The following MYO16 variants were observed in gnomAD, a reference collection of about 807,000 sequenced individuals.
MYO16 encodes the protein unconventional myosin-XVI.
A neutral mutation model predicts 205.3 loss-of-function variants in MYO16; 94 were observed. The observed-to-expected ratio is 0.46, with a 90% CI of 0.39 to 0.54. The LOEUF (loss-of-function observed/expected upper bound fraction) is 0.54. MYO16 is among the 20% of genes least tolerant of loss of function. MYO16 has a pLI of 0.00. For synonymous variants in MYO16, 988 were observed against 954.0 expected, an observed-to-expected ratio of 1.04 and a Z score of -0.66; for missense variants, 2,315 against 2,387.5, an observed-to-expected ratio of 0.97 and a Z score of 0.63.
intron 34 of MYO16, among the ~76,000 whole-genome samples, chr13:109,192,425 T>G (rs762388765): frequency 6.6e-6 from 1 of 152,230 alleles, no homozygotes; most frequent in Non-Finnish European, 1.5e-5. Context: ...TCTCTAGCAT[T>G]TGTACCCACA....
intron 1 of MYO16, among the ~76,000 whole-genome samples, chr13:108,642,835 A>AC (rs893208332): frequency 6.6e-6 from 1 of 151,656 alleles, no homozygotes; most frequent in Non-Finnish European, 1.5e-5. Flanking sequence ...TACTAATCCT[A>AC]CCCCCCCAAA....
chr13:108,766,736 T>C, intron 4 of MYO16, among the ~76,000 whole-genome samples: 1 of 152,376 alleles, frequency 6.6e-6, no homozygotes, highest in East Asian at 1.9e-4. Context: ...TTCAGGGTTT[T>C]TCTTTTAAAG....
chr13:108,543,740 CTTTTTT>C, the MYO16 span, among the ~76,000 whole-genome samples: 4 of 125,144 alleles, frequency 3.2e-5, no homozygotes, highest in Non-Finnish European at 6.5e-5. Context: ...TCCTTTTTTT[CTTTTTT>C]TTTTTTTTTT....
chr13:109,072,758 A>G (rs918925347), intron 27 of MYO16, among the ~76,000 whole-genome samples: 1 of 152,324 alleles, frequency 6.6e-6, no homozygotes, highest in Admixed American at 6.5e-5. Flanking sequence ...AAGACATAGA[A>G]TATTTCAGAT....
intron 34 of MYO16, among the ~76,000 whole-genome samples, chr13:109,189,169 A>G (rs1879810919): frequency 6.6e-6 from 1 of 151,424 alleles, no homozygotes; most frequent in South Asian, 2.1e-4. Flanking sequence ...CAGCAAGTCA[A>G]GTCCTTCCAT....
At chr13:108,652,168 T>C (rs983248558) in intron 1 of MYO16, among the ~76,000 whole-genome samples, 1 of 150,122 alleles carries the variant, frequency 6.7e-6, no homozygotes, top group Non-Finnish European at 1.5e-5. Context: ...CGCGCGCGCA[T>C]GTGTGCGCGT....
intron 2 of MYO16, among the ~76,000 whole-genome samples, chr13:108,684,228 C>T (rs1247666841): frequency 1.3e-5 from 2 of 152,186 alleles, no homozygotes; most frequent in Admixed American, 6.5e-5. Context: ...GGATTCCAAG[C>T]AGGGGCAACC....
chr13:109,125,474 C>T lies in MYO16; in HGVS notation c.3782+116C>T. The T allele has an allele frequency of 2.9e-6, 4 of 1,370,252 alleles. No homozygotes were observed. The highest frequency in any genetic ancestry group is 1.4e-5 in the South Asian group (1 of 71,128). The allele number at this position is 1,370,252 out of a possible 1,614,324, so 84.9% of individuals were successfully genotyped here. On this transcript the variant is annotated intron_variant, in intron 30 of 34. Transcript: ENST00000457511. The surrounding 1 kb of genome is among the most constrained non-coding windows in gnomAD (Gnocchi z 4.0). ...TCAAATATGACAGGAGTTGCAGGAA[C>T]AGGCATGCGTGGTTTGTTATTCGAA...
intron 21 of MYO16, among the ~76,000 whole-genome samples, chr13:108,994,643 A>T (rs1428739600): frequency 6.6e-6 from 1 of 152,168 alleles, no homozygotes; most frequent in Non-Finnish European, 1.5e-5. Flanking sequence ...CTAGAAGAAT[A>T]TTAGTGCTTT....
At chr13:108,856,784 T>G (rs2759272) in intron 11 of MYO16, among the ~76,000 whole-genome samples, 41,665 of 152,016 alleles carry the variant, frequency 0.27, 6,012 homozygotes, top group East Asian at 0.43. Context: ...AGCACCCTCA[T>G]CAAAGCCATT....
intron 9 of MYO16, among the ~76,000 whole-genome samples, chr13:108,831,017 T>G (rs1053167293): frequency 1.3e-5 from 2 of 152,194 alleles, no homozygotes; most frequent in Non-Finnish European, 2.9e-5. Flanking sequence ...CCATTTCTCA[T>G]GAACAGTGCC....
intron 2 of MYO16, among the ~76,000 whole-genome samples, 173 bp downstream of exon 2, chr13:108,666,322 A>G (rs1344938700): frequency 5.3e-5 from 8 of 152,180 alleles, no homozygotes; most frequent in Non-Finnish European, 8.8e-5. Context: ...TTTGCAAAGA[A>G]CATCATTAAA....
At chr13:108,534,787 T>TTTC in the MYO16 span, among the ~76,000 whole-genome samples, 1 of 151,358 alleles carries the variant, frequency 6.6e-6, no homozygotes, top group Non-Finnish European at 1.5e-5. Flanking sequence ...TTCCTCCTTC[T>TTTC]TTCTTCTTCT....
At chr13:108,580,672 T>C in the MYO16 span, among the ~76,000 whole-genome samples, 1 of 152,038 alleles carries the variant, frequency 6.6e-6, no homozygotes, top group African/African-American at 2.4e-5. Flanking sequence ...TACAGGAGAG[T>C]GCACTCTTGG....
At chr13:108,951,793 T>G (rs1883161901) in intron 16 of MYO16, among the ~76,000 whole-genome samples, 1 of 152,118 alleles carries the variant, frequency 6.6e-6, no homozygotes, top group Non-Finnish European at 1.5e-5. Flanking sequence ...TCAAGACACC[T>G]CTTCACTGCT....
the MYO16 span, among the ~76,000 whole-genome samples, chr13:108,548,600 G>A: frequency 3.9e-3 from 600 of 152,072 alleles, 10 homozygotes; most frequent in Admixed American, 0.026. Context: ...GGTGGTGATA[G>A]TGAAGATAAT....
intron 34 of MYO16, among the ~76,000 whole-genome samples, chr13:109,180,211 C>G (rs752070275): frequency 6.6e-6 from 1 of 152,032 alleles, no homozygotes; most frequent in South Asian, 2.1e-4. Context: ...CTCTTCCTAA[C>G]AATTTCACCA....
intron 2 of MYO16, among the ~76,000 whole-genome samples, chr13:108,703,774 C>G (rs1185780104): frequency 6.6e-6 from 1 of 152,088 alleles, no homozygotes; most frequent in Non-Finnish European, 1.5e-5. Flanking sequence ...CACAAATACA[C>G]AAAAATTATC....
intron 28 of MYO16, among the ~76,000 whole-genome samples, chr13:109,104,947 G>A (rs1283401905): frequency 1.3e-5 from 2 of 151,854 alleles, no homozygotes; most frequent in Admixed American, 6.6e-5. Context: ...CTTCTGTTAC[G>A]CTTCAGATTG....
Sources: allele counts gnomAD v4.1 joint callset (sites outside exome capture counted in the v4.1 genomes callset), GRCh38; gene constraint gnomAD v4.1.1; non-coding constraint Gnocchi (gnomAD v3.1); transcripts MANE v1.5; gene names NCBI Gene and HGNC (gene_info 2026-07-23, HGNC 2026-07-21).